Variants in NFATC2 observed in about 807,000 individuals in gnomAD.
NFATC2 encodes nuclear factor of activated T-cells, cytoplasmic 2.
Under a neutral mutation model 87.3 loss-of-function variants are expected in NFATC2, and 22 were observed. The observed-to-expected ratio is 0.25, with a 90% CI of 0.18 to 0.36. NFATC2 has a LOEUF of 0.36. NFATC2 is among the 10% of genes least tolerant of loss of function. NFATC2 has a pLI of 1.00. For missense variants in NFATC2, 1,149 were observed against 1,259.1 expected, an observed-to-expected ratio of 0.91 and a Z score of 1.32; for synonymous variants, 565 against 542.2, an observed-to-expected ratio of 1.04 and a Z score of -0.58.
At chr20:51,549,807 G>A (rs570116094) in intron 1 of NFATC2, among the ~76,000 whole-genome samples, 8 of 152,344 alleles carry the variant, frequency 5.3e-5, no homozygotes, top group African/African-American at 1.7e-4. Flanking sequence ...GTGACATGCA[G>A]AGTCACACGG....
chr20:51,432,814 G>T lies in NFATC2; in HGVS notation c.2033-58C>A. The stretch of plus-strand genomic sequence containing the variant: ...ATGGCAGTGAGCCACGGATGTGCAC[G>T]GAGGATTCGTGGATGGTGCTTGAGA... On this transcript the variant is annotated intron_variant, in intron 8 of 10. Transcript: ENST00000371564. This position sits in a 1 kb window ranked among gnomAD's most constrained non-coding sequence, Gnocchi z 4.6. 7.0e-7 allele frequency: 1 copy of T among 1,436,864 alleles called. No homozygotes were observed. Among genetic ancestry groups the T allele is most frequent in the Non-Finnish European group, 9.2e-7 (1 of 1,083,836 alleles). The allele number at this position is 1,436,864 out of a possible 1,614,324, so 89.0% of individuals were successfully genotyped here.
intron 5 of NFATC2, among the ~76,000 whole-genome samples, chr20:51,463,902 C>G (rs552403282): frequency 6.6e-6 from 1 of 152,174 alleles, no homozygotes; most frequent in Non-Finnish European, 1.5e-5. Context: ...CTTCCCAGCT[C>G]CCTCATAAGT....
chr20:51,413,518 G>A (rs1979593325), intron 9 of NFATC2, among the ~76,000 whole-genome samples: 2 of 152,204 alleles, frequency 1.3e-5, no homozygotes, highest in South Asian at 4.2e-4. Flanking sequence ...AGCACTTTGG[G>A]AGGCTGAGCT....
intron 3 of NFATC2, among the ~76,000 whole-genome samples, chr20:51,516,380 A>G (rs1395698437): frequency 4.6e-5 from 7 of 152,226 alleles, no homozygotes; most frequent in Admixed American, 3.9e-4. Context: ...TTGATAATGT[A>G]TAGTTTTAAT....
At chr20:51,560,708 G>A (rs1408665203) in intron 1 of NFATC2, among the ~76,000 whole-genome samples, 1 of 151,814 alleles carries the variant, frequency 6.6e-6, no homozygotes, top group Non-Finnish European at 1.5e-5. Context: ...ACAATCTGGT[G>A]CCCTTGTCTC....
chr20:51,557,997 C>T (rs1477945098), intron 1 of NFATC2, among the ~76,000 whole-genome samples: 1 of 152,182 alleles, frequency 6.6e-6, no homozygotes, highest in East Asian at 1.9e-4. Context: ...GCCTCCCATC[C>T]AGGCTGGGCA....
chr20:51,416,402 G>A (rs1219372928), intron 9 of NFATC2, among the ~76,000 whole-genome samples: 1 of 152,236 alleles, frequency 6.6e-6, no homozygotes, highest in Non-Finnish European at 1.5e-5. Context: ...ACCCACCTGG[G>A]ATTCCCAGGG....
intron 1 of NFATC2, among the ~76,000 whole-genome samples, chr20:51,542,077 C>G (rs1165994117): frequency 6.6e-6 from 1 of 152,184 alleles, no homozygotes; most frequent in Non-Finnish European, 1.5e-5. Context: ...ACAGCACCCG[C>G]CCCCCAGCCT....
At chr20:51,431,922 C>T in intron 9 of NFATC2, 145 bp downstream of exon 9, 1 of 827,764 alleles carries the variant, frequency 1.2e-6, no homozygotes, top group South Asian at 2.9e-5. Context: ...CTTTCAGGGT[C>T]ATATTATTCA....
intron 2 of NFATC2, among the ~76,000 whole-genome samples, chr20:51,518,949 T>C (rs551880888): frequency 1.3e-5 from 2 of 152,132 alleles, no homozygotes; most frequent in Admixed American, 6.5e-5. Flanking sequence ...CACAGGTGTA[T>C]GCAACCAGGC....
chr20:51,501,972 C>T (rs62229847), intron 3 of NFATC2, among the ~76,000 whole-genome samples: 1,991 of 152,296 alleles, frequency 0.013, 15 homozygotes, highest in Admixed American at 0.026. Flanking sequence ...ATCAATAAAA[C>T]CTTATTTCAA....
At chr20:51,415,700 T>C (rs1277180497) in intron 9 of NFATC2, among the ~76,000 whole-genome samples, 1 of 152,168 alleles carries the variant, frequency 6.6e-6, no homozygotes, top group Non-Finnish European at 1.5e-5. Flanking sequence ...TTTCACCAAA[T>C]TGCCCTTCAA....
At chr20:51,425,322 G>A (rs946910200) in intron 9 of NFATC2, among the ~76,000 whole-genome samples, 1 of 152,246 alleles carries the variant, frequency 6.6e-6, no homozygotes, top group Non-Finnish European at 1.5e-5. Flanking sequence ...TATTGGTGTC[G>A]GCTCCAGGTG....
intron 6 of NFATC2, among the ~76,000 whole-genome samples, chr20:51,453,139 TA>T: frequency 6.6e-6 from 1 of 152,392 alleles, no homozygotes; most frequent in East Asian, 1.9e-4. Flanking sequence ...CAAACCCTTT[TA>T]AAATAAATTC....
intron 1 of NFATC2, among the ~76,000 whole-genome samples, chr20:51,526,180 C>A (rs763744512): frequency 1.3e-5 from 2 of 152,100 alleles, no homozygotes; most frequent in Non-Finnish European, 2.9e-5. Flanking sequence ...TAACAGCTCC[C>A]GTCGCACCAG....
intron 1 of NFATC2, among the ~76,000 whole-genome samples, chr20:51,528,982 T>A (rs964938842): frequency 2.0e-5 from 3 of 152,208 alleles, no homozygotes; most frequent in Admixed American, 6.5e-5. Context: ...GGCTGTAGTT[T>A]AATGTAAATG....
chr20:51,398,282 C>T (rs543410702), intron 10 of NFATC2, among the ~76,000 whole-genome samples: 1 of 152,210 alleles, frequency 6.6e-6, no homozygotes, highest in East Asian at 1.9e-4. Context: ...GTGCCGGACA[C>T]CCACCACGGA....
chr20:51,481,209 C>T (rs1989225350), intron 3 of NFATC2, among the ~76,000 whole-genome samples: 1 of 152,196 alleles, frequency 6.6e-6, no homozygotes, highest in Non-Finnish European at 1.5e-5. Context: ...CATTTACTTG[C>T]TTCTCCAAAA....
intron 1 of NFATC2, among the ~76,000 whole-genome samples, chr20:51,537,789 C>T (rs1011763982): frequency 1.3e-5 from 2 of 152,208 alleles, no homozygotes; most frequent in Non-Finnish European, 2.9e-5. Context: ...CACATCCTTG[C>T]CCACCGGGTC....
Sources: allele counts gnomAD v4.1 joint callset (sites outside exome capture counted in the v4.1 genomes callset), GRCh38; gene constraint gnomAD v4.1.1; non-coding constraint Gnocchi (gnomAD v3.1); transcripts MANE v1.5; gene names NCBI Gene and HGNC (gene_info 2026-07-23, HGNC 2026-07-21).